Variants in SCML2 observed in about 807,000 individuals in gnomAD.
The protein encoded by SCML2 is Scm polycomb group protein like 2.
A neutral mutation model predicts 48.4 loss-of-function variants in SCML2; 6 were observed. The ratio of observed to expected loss-of-function variants is 0.12; its 90% CI spans 0.07 to 0.24. The LOEUF (loss-of-function observed/expected upper bound fraction) is 0.24, where lower values mean the gene tolerates loss of function less well. Ranked by LOEUF, SCML2 falls within the 10% of genes least tolerant of loss-of-function variation. The probability of loss-of-function intolerance (pLI) is 1.00; values close to 1 mark genes in which losing one functional copy is unlikely to be tolerated. For synonymous variants in SCML2, 181 were observed against 189.5 expected, an observed-to-expected ratio of 0.95 and a Z score of 0.37; for missense variants, 377 against 528.2, an observed-to-expected ratio of 0.71 and a Z score of 2.81.
In SCML2 at chrX:18,320,353, T is replaced by C; in HGVS notation, c.465A>G (p.Ala155=). Residue 155 remains alanine (A), a synonymous_variant, in exon 6 of 15, where the codon GCA becomes GCG. Transcript: ENST00000251900. ...TTACCTTCTTAAATAATGTGGCAGA[T>C]GCCATTTCAGACCCATTTAGTGTCT... ...LLKTLNGSEM[A]SATLFKKEPP... 5.2e-6 allele frequency: 6 copies of C among 1,143,518 alleles called. No individual in the cohort carries two copies. The highest frequency in any genetic ancestry group is 7.1e-6 in the Non-Finnish European group (6 of 847,677). The allele number at this position is 1,143,518 out of a possible 1,213,427, so 94.2% of individuals were successfully genotyped here. A position where few individuals can be genotyped will look rare whatever the true frequency, so the allele number is the denominator to read the frequency against.
intron 6 of SCML2, among the ~76,000 whole-genome samples, chrX:18,315,726 T>G (rs999146090): frequency 1.8e-5 from 2 of 111,897 alleles, no homozygotes; most frequent in African/African-American, 6.5e-5. Flanking sequence ...CCACTCTTGT[T>G]ATTGATCCTT....
At chrX:18,284,346 T>C (rs185828346) in intron 7 of SCML2, among the ~76,000 whole-genome samples, 4 of 112,096 alleles carry the variant, frequency 3.6e-5, no homozygotes, top group African/African-American at 1.3e-4. Flanking sequence ...CCTCTCAACA[T>C]TGGCCTTAGC....
chrX:18,259,307 T>G (rs773568741), intron 9 of SCML2, among the ~76,000 whole-genome samples: 27 of 109,667 alleles, frequency 2.5e-4, no homozygotes, highest in Admixed American at 7.8e-4. Context: ...GGCACATCAC[T>G]ACCAAAAATA....
intron 7 of SCML2, among the ~76,000 whole-genome samples, chrX:18,290,317 G>A (rs1185812682): frequency 4.5e-5 from 5 of 111,725 alleles, no homozygotes; most frequent in Non-Finnish European, 9.4e-5. Context: ...GGCAGCCTAC[G>A]ATGCCAAAGG....
At chrX:18,249,756 C>G (rs1373610306) in intron 11 of SCML2, among the ~76,000 whole-genome samples, 1 of 111,267 alleles carries the variant, frequency 9.0e-6, no homozygotes, top group South Asian at 3.8e-4. Context: ...GACATGAGAA[C>G]ACCCTAATCT....
chrX:18,344,813 G>A (rs1173412283), intron 1 of SCML2, among the ~76,000 whole-genome samples: 1 of 110,836 alleles, frequency 9.0e-6, no homozygotes, highest in Non-Finnish European at 1.9e-5. Flanking sequence ...CTAATACAAG[G>A]AGATATTATA....
Position 18,240,111 on chromosome X carries a change from C to A in SCML2, c.*1140G>T, listed in dbSNP as rs1926212495. On this transcript the variant is annotated 3_prime_UTR_variant, in exon 15 of 15. Coordinates refer to ENST00000251900, the MANE Select transcript of SCML2 (RefSeq NM_006089.3). ...ACATTGCATAGGACAGAGAACTTCC[C>A]TGTATGGAAACCAATCTACAGATTG... 8.9e-6 allele frequency: 1 copy of A among 112,415 alleles called. No homozygotes were observed. Among genetic ancestry groups the A allele is most frequent in the Admixed American group, 9.5e-5 (1 of 10,531 alleles). The allele number at this position is 112,415 out of a possible 1,213,427, so 9.3% of individuals were successfully genotyped here.
At chrX:18,347,748 A>G (rs1291289152) in intron 1 of SCML2, among the ~76,000 whole-genome samples, 4 of 105,947 alleles carry the variant, frequency 3.8e-5, no homozygotes, top group East Asian at 2.9e-4. Context: ...AAAAAAAAAA[A>G]AAAAGAACAT....
intron 1 of SCML2, among the ~76,000 whole-genome samples, chrX:18,346,185 T>C (rs1930194799): frequency 9.0e-6 from 1 of 111,051 alleles, no homozygotes. Context: ...TTCTGTGAGA[T>C]CTGAGACAAT....
intron 6 of SCML2, among the ~76,000 whole-genome samples, chrX:18,314,862 G>A (rs1033567403): frequency 1.8e-5 from 2 of 111,220 alleles, no homozygotes; most frequent in African/African-American, 6.5e-5. Context: ...GCCAAGGTGG[G>A]TGGATCATTT....
intron 3 of SCML2, among the ~76,000 whole-genome samples, chrX:18,329,604 T>A (rs1929590050): frequency 8.9e-6 from 1 of 112,725 alleles, no homozygotes; most frequent in African/African-American, 3.2e-5. Context: ...ATCTCCTGAG[T>A]GTCTCTGATG....
intron 7 of SCML2, among the ~76,000 whole-genome samples, chrX:18,282,359 C>T (rs1358298265): frequency 2.8e-4 from 30 of 108,063 alleles, no homozygotes; most frequent in African/African-American, 9.8e-4. Flanking sequence ...TATGCAAGGC[C>T]GGGCGCGGTG....
At chrX:18,247,691 C>T (rs1926498792) in intron 12 of SCML2, 78 bp downstream of exon 12, 1 of 761,543 alleles carries the variant, frequency 1.3e-6, no homozygotes, top group African/African-American at 2.1e-5. Context: ...ACCTCCAATA[C>T]TACCACCCCA....
intron 7 of SCML2, among the ~76,000 whole-genome samples, chrX:18,277,139 T>C (rs898780207): frequency 1.8e-5 from 2 of 111,794 alleles, no homozygotes; most frequent in African/African-American, 6.5e-5. Flanking sequence ...GGTGTGATCA[T>C]GGCTCACTGC....
chrX:18,325,324 T>C (rs1211445452), intron 3 of SCML2, among the ~76,000 whole-genome samples: 1 of 112,202 alleles, frequency 8.9e-6, no homozygotes, highest in Non-Finnish European at 1.9e-5. Flanking sequence ...CTGTCTCTAA[T>C]ATAAATTTAT....
chrX:18,258,797 A>AC (rs1926955215), intron 9 of SCML2, among the ~76,000 whole-genome samples: 2 of 111,322 alleles, frequency 1.8e-5, no homozygotes, highest in Non-Finnish European at 3.8e-5. Flanking sequence ...GAAAATAAAA[A>AC]TGTTCCTTCT....
At chrX:18,261,251 G>A (rs1300187398) in intron 8 of SCML2, among the ~76,000 whole-genome samples, 19 of 105,923 alleles carry the variant, frequency 1.8e-4, no homozygotes, top group Non-Finnish European at 3.1e-4. Context: ...TCCTACCTCC[G>A]CCTCCCAAAG....
At chrX:18,332,947 CTA>C (rs1929701662) in intron 2 of SCML2, among the ~76,000 whole-genome samples, 1 of 110,426 alleles carries the variant, frequency 9.1e-6, no homozygotes, top group Non-Finnish European at 1.9e-5. Context: ...CCACTGCACT[CTA>C]GTCTGAGTAA....
chrX:18,247,326 T>C (rs920878167), intron 12 of SCML2, among the ~76,000 whole-genome samples: 1 of 111,924 alleles, frequency 8.9e-6, no homozygotes, highest in Non-Finnish European at 1.9e-5. Flanking sequence ...TTTTTCATAG[T>C]AACTTACTAT....
Sources: allele counts gnomAD v4.1 joint callset (sites outside exome capture counted in the v4.1 genomes callset), GRCh38; gene constraint gnomAD v4.1.1; transcripts MANE v1.5; gene names NCBI Gene and HGNC (gene_info 2026-07-23, HGNC 2026-07-21).